STARD8: variants seen among roughly 807,000 people sequenced by gnomAD.
STARD8 encodes StAR related lipid transfer domain containing 8.
In STARD8, 25 loss-of-function variants were observed where a neutral mutation model predicts 69.4. That is an observed-to-expected ratio of 0.36 (90% confidence interval 0.26 to 0.50). The LOEUF (loss-of-function observed/expected upper bound fraction) is 0.50, where lower values mean the gene tolerates loss of function less well. STARD8 is among the 20% of genes least tolerant of loss of function. STARD8 has a pLI of 0.96. For synonymous variants in STARD8, 389 were observed against 374.6 expected, an observed-to-expected ratio of 1.04 and a Z score of -0.45; for missense variants, 921 against 932.5, an observed-to-expected ratio of 0.99 and a Z score of 0.16.
At chrX:68,667,082 G>A (rs1001492383) in intron 2 of STARD8, among the ~76,000 whole-genome samples, 3 of 112,378 alleles carry the variant, frequency 2.7e-5, no homozygotes, top group African/African-American at 3.2e-5. Flanking sequence ...GGCAGAGGAG[G>A]TTGCCACCTA....
In STARD8 at chrX:68,672,599, A is replaced by C. The variant is rs563933923; in HGVS notation, c.79+7067A>C. ...CTTGGTCTGCCTGGGGAGAAGGCAG[A>C]GACAAAGCAGAACAAACTGGTGTCA... On this transcript the variant is annotated intron_variant, in intron 2 of 14. Coordinates refer to ENST00000374599, the MANE Select transcript of STARD8 (RefSeq NM_001142503.3). Among the ~76,000 whole-genome samples, 22 of 112,020 alleles carry C rather than the reference A, an allele frequency of 2.0e-4. No individual in the cohort carries two copies. In the South Asian group the frequency reaches 6.1e-3, roughly 31 times the overall value.
chrX:68,718,804 G>C (rs777674982), intron 6 of STARD8, among the ~76,000 whole-genome samples, 175 bp downstream of exon 6: 3 of 111,902 alleles, frequency 2.7e-5, no homozygotes, highest in South Asian at 7.6e-4. Context: ...GTTAGGTCCA[G>C]AACCTGCCTG....
chrX:68,704,355 G>T (rs1489326350), intron 2 of STARD8, among the ~76,000 whole-genome samples: 1 of 111,595 alleles, frequency 9.0e-6, no homozygotes, highest in Non-Finnish European at 1.9e-5. Flanking sequence ...AGCCTTGAAT[G>T]CCAGGGAGCA....
chrX:68,687,674 C>G (rs1028660128), intron 2 of STARD8, among the ~76,000 whole-genome samples: 1 of 112,422 alleles, frequency 8.9e-6, no homozygotes, highest in Non-Finnish European at 1.9e-5. Flanking sequence ...TCAGCCAGGT[C>G]ACACAGTTCC....
chrX:68,694,173 G>A (rs1167157074), intron 2 of STARD8, among the ~76,000 whole-genome samples: 1 of 112,840 alleles, frequency 8.9e-6, no homozygotes, highest in Non-Finnish European at 1.9e-5. Flanking sequence ...GCAGCTGGCC[G>A]GGGGCGGCAG....
intron 2 of STARD8, among the ~76,000 whole-genome samples, chrX:68,692,325 T>C (rs1372416421): frequency 8.9e-6 from 1 of 111,927 alleles, no homozygotes. Context: ...GTGGTGGTAG[T>C]GTCACTTTAT....
At chrX:68,659,612 G>A (rs2079632128) in intron 1 of STARD8, among the ~76,000 whole-genome samples, 1 of 111,778 alleles carries the variant, frequency 8.9e-6, no homozygotes, top group African/African-American at 3.3e-5. Context: ...GTTCTGGGCA[G>A]GAAGGAGGGT....
chrX:68,668,840 T>G (rs2079710353), intron 2 of STARD8, among the ~76,000 whole-genome samples: 1 of 112,220 alleles, frequency 8.9e-6, no homozygotes, highest in Non-Finnish European at 1.9e-5. Flanking sequence ...ATCAACCTGA[T>G]TTTAAATAAT....
intron 1 of STARD8, among the ~76,000 whole-genome samples, chrX:68,659,844 G>A (rs1289811445): frequency 9.0e-6 from 1 of 111,613 alleles, no homozygotes; most frequent in Non-Finnish European, 1.9e-5. Flanking sequence ...CAGGTGAGGA[G>A]TCAGGATGGG....
At chrX:68,677,431 T>C (rs2079772364) in intron 2 of STARD8, among the ~76,000 whole-genome samples, 1 of 111,901 alleles carries the variant, frequency 8.9e-6, no homozygotes, top group South Asian at 3.8e-4. Context: ...ACTGTAAGCA[T>C]CTTTGAAACA....
At position 68,717,738 on chromosome X, in the gene STARD8, G is replaced by A. The variant is rs770961635; in HGVS notation, c.824G>A (p.Arg275Gln). The change falls in exon 6 of 15, where the codon CGG (arginine) becomes CAG (glutamine). Residue 275 changes from arginine to glutamine, a missense_variant. Coordinates refer to ENST00000374599, the MANE Select transcript of STARD8 (RefSeq NM_001142503.3). ...TSAGGSGANT[R>Q]KAWEAWPVAS... ...GCCGGTGGCAGTGGTGCCAATACTC[G>A]GAAGGCCTGGGAGGCCTGGCCTGTG... 5 of 1,211,935 alleles carry A rather than the reference G, an allele frequency of 4.1e-6. No individual in the cohort carries two copies. Among genetic ancestry groups the A allele is most frequent in the East Asian group, 3.0e-5 (1 of 33,829 alleles).
At position 68,722,746 on chromosome X, in the gene STARD8, C is replaced by T. The variant is rs968469449; in HGVS notation, c.2799+100C>T. ...AAGGAAGGAGCCGGGGAGGAGCTGCCGCCTGAGTCTCGCTGTGCCTCGGCC... is the reference window on the plus strand; with the variant it reads ...AAGGAAGGAGCCGGGGAGGAGCTGCTGCCTGAGTCTCGCTGTGCCTCGGCC... On this transcript the variant is annotated intron_variant, in intron 12 of 14. Transcript: ENST00000374599. 9.2e-5 allele frequency: 76 copies of T among 827,070 alleles called. No individual in the cohort carries two copies. The Admixed American group carries it at 1.4e-3, about 15-fold the overall frequency. 68.2% of individuals were successfully genotyped at this position (827,070 alleles called of 1,213,427 possible).
chrX:68,723,835 G>C lies in STARD8; in HGVS notation c.3009G>C (p.Val1003=). 8.3e-7 allele frequency: 1 copy of C among 1,198,227 alleles called. No homozygotes were observed. The highest frequency in any genetic ancestry group is 3.0e-5 in the East Asian group (1 of 33,154). ...SMAPHPCRDF[V]VLRMWRSDLP... The stretch of plus-strand genomic sequence containing the variant: ...CACCCCATCCCTGCCGCGACTTTGT[G>C]GTGCTTCGGTGAGGGGCTGCAGCTG... Residue 1003 remains valine (V), a synonymous_variant, in exon 13 of 15, where the codon GTG becomes GTC. Transcript: ENST00000374599.
intron 2 of STARD8, among the ~76,000 whole-genome samples, chrX:68,699,160 G>A (rs1297991367): frequency 2.7e-5 from 3 of 111,675 alleles, no homozygotes; most frequent in African/African-American, 9.8e-5. Context: ...AGCCCAAGGT[G>A]CTCCTGGGAT....
At chrX:68,688,573 T>C (rs1256758537) in intron 2 of STARD8, among the ~76,000 whole-genome samples, 7 of 109,938 alleles carry the variant, frequency 6.4e-5, no homozygotes, top group Non-Finnish European at 1.3e-4. Context: ...GGTTTTTTCT[T>C]TGGGAGCTGC....
At chrX:68,661,972 CTT>C (rs545089388) in intron 1 of STARD8, among the ~76,000 whole-genome samples, 369 of 36,299 alleles carry the variant, frequency 0.01, no homozygotes, top group East Asian at 0.036. Flanking sequence ...CTCTCTCTCT[CTT>C]TCTTTCTTTC....
At position 68,725,696 on chromosome X, in the gene STARD8, A is replaced by G. The variant is rs1219436940; in HGVS notation, c.*1274A>G. 2.8e-5 allele frequency: 3 copies of G among 108,216 alleles called. No individual in the cohort carries two copies. Among genetic ancestry groups the G allele is most frequent in the Admixed American group, 1.0e-4 (1 of 10,047 alleles). 8.9% of individuals were successfully genotyped at this position (108,216 alleles called of 1,213,427 possible). On this transcript the variant is annotated 3_prime_UTR_variant, in exon 15 of 15. Coordinates refer to ENST00000374599, the MANE Select transcript of STARD8 (RefSeq NM_001142503.3). ...CGCATTTGCACAGACACACACATAT[A>G]TCAATTCTCATGAGTGTATTATAAT...
chrX:68,710,098 T>A (rs146517163), intron 2 of STARD8, among the ~76,000 whole-genome samples: 1 of 111,949 alleles, frequency 8.9e-6, no homozygotes, highest in African/African-American at 3.2e-5. Context: ...GCAGGTGGCA[T>A]AATGCAATGG....
intron 1 of STARD8, among the ~76,000 whole-genome samples, chrX:68,652,045 A>G (rs1475501668): frequency 1.9e-5 from 2 of 104,835 alleles, no homozygotes; most frequent in African/African-American, 7.0e-5. Context: ...TTTAGTAGAG[A>G]CAGGGTTTCA....
Sources: gnomAD v4.1 joint callset for allele counts (sites outside exome capture counted in the v4.1 genomes callset) on GRCh38, gnomAD v4.1.1 for gene constraint, MANE v1.5 for transcripts, NCBI Gene and HGNC (gene_info 2026-07-23, HGNC 2026-07-21) for gene names.